MTUS1: variants seen among roughly 807,000 people sequenced by gnomAD.
MTUS1 encodes microtubule associated scaffold protein 1.
MTUS1 carries 109 observed loss-of-function variants against 120.8 expected under a neutral mutation model. The observed-to-expected ratio is 0.90, with a 90% CI of 0.77 to 1.06. The LOEUF is 1.06. Among genes scored for constraint, MTUS1 ranks in the 50% least tolerant of loss-of-function variants. The pLI, the probability that MTUS1 is intolerant of heterozygous loss-of-function variation, is 0.00. For synonymous variants in MTUS1, 737 were observed against 550.5 expected, an observed-to-expected ratio of 1.34 and a Z score of -4.74; for missense variants, 2,210 against 1,486.3, an observed-to-expected ratio of 1.49 and a Z score of -8.01.
chr8:17,697,320 C>T lies in MTUS1; in HGVS notation c.2624-12778G>A, dbSNP rs1031455132. 2.5e-6 allele frequency: 4 copies of T among 1,614,122 alleles called. No individual in the cohort carries two copies. In the South Asian group the frequency reaches 4.4e-5, roughly 18 times the overall value. Reference sequence around the variant, plus strand: ...GGAAGTCGAAGGTTTCGAAGCAATCCTTTGGCCGTCAGTCGTATGTGAATG... The same window carrying T: ...GGAAGTCGAAGGTTTCGAAGCAATCTTTTGGCCGTCAGTCGTATGTGAATG... On this transcript the variant is annotated intron_variant, in intron 6 of 14. Coordinates refer to ENST00000693296, the MANE Select transcript of MTUS1 (RefSeq NM_001363059.2).
intron 3 of MTUS1, among the ~76,000 whole-genome samples, chr8:17,735,697 T>C (rs957785726): frequency 6.6e-6 from 1 of 152,284 alleles, no homozygotes; most frequent in Non-Finnish European, 1.5e-5. Flanking sequence ...AAGTTAGTGT[T>C]GCTCCTTTAC....
chr8:17,785,726 G>A (rs951150607), intron 1 of MTUS1, among the ~76,000 whole-genome samples: 1 of 152,096 alleles, frequency 6.6e-6, no homozygotes, highest in Non-Finnish European at 1.5e-5. Context: ...TGCACATTTG[G>A]AACCTCTGAT....
intron 3 of MTUS1, among the ~76,000 whole-genome samples, chr8:17,733,541 G>C (rs542044689): frequency 6.6e-6 from 1 of 152,228 alleles, no homozygotes; most frequent in East Asian, 1.9e-4. Flanking sequence ...CTTTAAAATA[G>C]CCTACTGGGA....
At chr8:17,656,544 A>ACCCCCCC (rs781054052) in intron 8 of MTUS1, among the ~76,000 whole-genome samples, 1 of 68,668 alleles carries the variant, frequency 1.5e-5, no homozygotes, top group African/African-American at 4.3e-5. Context: ...AAACAAACAA[A>ACCCCCCC]ACCCCCCCCC....
At chr8:17,703,339 G>A (rs1042026220) in intron 6 of MTUS1, among the ~76,000 whole-genome samples, 14 of 152,106 alleles carry the variant, frequency 9.2e-5, no homozygotes, top group African/African-American at 2.9e-4. Context: ...GTCCTATGCG[G>A]TGGAGATAGC....
chr8:17,679,380 T>C (rs1024902857), intron 7 of MTUS1, among the ~76,000 whole-genome samples: 1 of 151,646 alleles, frequency 6.6e-6, no homozygotes, highest in African/African-American at 2.4e-5. Context: ...TGTGTGTGTA[T>C]AAACACAGTA....
At chr8:17,729,864 C>T (rs1377818986) in intron 3 of MTUS1, among the ~76,000 whole-genome samples, 1 of 151,648 alleles carries the variant, frequency 6.6e-6, no homozygotes, top group Non-Finnish European at 1.5e-5. Context: ...GACATTTCTC[C>T]TAAGAAGACA....
At chr8:17,732,648 T>A (rs1009740583) in intron 3 of MTUS1, among the ~76,000 whole-genome samples, 1 of 152,190 alleles carries the variant, frequency 6.6e-6, no homozygotes, top group Non-Finnish European at 1.5e-5. Flanking sequence ...TGGCCTCTTA[T>A]CAATCATTTC....
At chr8:17,749,673 A>G (rs922575017) in intron 2 of MTUS1, among the ~76,000 whole-genome samples, 6 of 151,866 alleles carry the variant, frequency 4.0e-5, no homozygotes, top group South Asian at 4.2e-4. Context: ...AAAAAAAAAA[A>G]AAAAAGAAAG....
chr8:17,723,899 C>G (rs2046018589), intron 3 of MTUS1, 66 bp from the exon 4 acceptor site: 1 of 1,360,958 alleles, frequency 7.3e-7, no homozygotes, highest in Non-Finnish European at 1.0e-6. Flanking sequence ...ACTTTTTAAG[C>G]CTGTAAACTC....
At position 17,755,892 on chromosome 8, in the gene MTUS1, C is replaced by G; in HGVS notation, c.-85G>C. The G allele has an allele frequency of 6.6e-7, 1 of 1,506,912 alleles. No homozygotes were observed. Among genetic ancestry groups the G allele is most frequent in the Non-Finnish European group, 8.8e-7 (1 of 1,136,464 alleles). 93.3% of individuals were successfully genotyped at this position (1,506,912 alleles called of 1,614,324 possible). On this transcript the variant is annotated 5_prime_UTR_variant, in exon 2 of 15. Transcript: ENST00000693296. ...GAGGGTGGGCAAAATGGTCTGTCTTCTAGGTTTTTCAGCACAGTTGAAAGG... is the reference window on the plus strand; with the variant it reads ...GAGGGTGGGCAAAATGGTCTGTCTTGTAGGTTTTTCAGCACAGTTGAAAGG...
intron 3 of MTUS1, among the ~76,000 whole-genome samples, chr8:17,737,534 C>T (rs746466564): frequency 4.6e-5 from 7 of 152,122 alleles, no homozygotes; most frequent in Non-Finnish European, 7.3e-5. Context: ...TGTCACCTAG[C>T]CTGAAGTGCA....
intron 1 of MTUS1, among the ~76,000 whole-genome samples, chr8:17,764,148 A>T (rs1221818707): frequency 6.6e-6 from 1 of 152,216 alleles, no homozygotes; most frequent in East Asian, 1.9e-4. Flanking sequence ...AGAAGAGAAC[A>T]ACAGTTAAGA....
At chr8:17,646,917 A>C in intron 14 of MTUS1, 65 bp downstream of exon 14, 1 of 1,221,594 alleles carries the variant, frequency 8.2e-7, no homozygotes, top group South Asian at 1.2e-5. Context: ...GAGCGTGTCC[A>C]GAAAGTACAC....
At chr8:17,762,279 AAAAAC>A (rs1374333789) in intron 1 of MTUS1, among the ~76,000 whole-genome samples, 5 of 152,176 alleles carry the variant, frequency 3.3e-5, no homozygotes, top group Non-Finnish European at 5.9e-5. Flanking sequence ...ACTTTGTCTC[AAAAAC>A]AAAACAAAAC....
intron 1 of MTUS1, among the ~76,000 whole-genome samples, chr8:17,764,465 A>G (rs1308152793): frequency 6.6e-6 from 1 of 152,188 alleles, no homozygotes; most frequent in East Asian, 1.9e-4. Context: ...CCATTAAACA[A>G]TAGTTTATAA....
intron 8 of MTUS1, among the ~76,000 whole-genome samples, chr8:17,663,130 A>G (rs1585498985): frequency 6.6e-6 from 1 of 152,236 alleles, no homozygotes; most frequent in African/African-American, 2.4e-5. Flanking sequence ...TGATATGTGG[A>G]AAATGCCCAG....
At chr8:17,728,470 T>C (rs560411525) in intron 3 of MTUS1, among the ~76,000 whole-genome samples, 2 of 152,352 alleles carry the variant, frequency 1.3e-5, no homozygotes, top group South Asian at 4.1e-4. Flanking sequence ...TACACAAGTA[T>C]TTATGTGCTT....
At chr8:17,692,886 A>T (rs909344316) in intron 6 of MTUS1, among the ~76,000 whole-genome samples, 3 of 152,176 alleles carry the variant, frequency 2.0e-5, no homozygotes, top group Non-Finnish European at 4.4e-5. Flanking sequence ...AAGTAAATGG[A>T]AATATTTTGT....
Sources: gnomAD v4.1 joint callset for allele counts (sites outside exome capture counted in the v4.1 genomes callset) on GRCh38, gnomAD v4.1.1 for gene constraint, MANE v1.5 for transcripts, NCBI Gene and HGNC (gene_info 2026-07-23, HGNC 2026-07-21) for gene names.